The following TENM4 variants were observed in gnomAD, a reference collection of about 807,000 sequenced individuals.
The protein encoded by TENM4 is teneurin-4.
In TENM4, 82 loss-of-function variants were observed where a neutral mutation model predicts 243.3. The ratio of observed to expected loss-of-function variants is 0.34; its 90% CI spans 0.28 to 0.40. TENM4 has a LOEUF of 0.40. Ranked by LOEUF, TENM4 falls within the 10% of genes least tolerant of loss-of-function variation. The probability of loss-of-function intolerance (pLI) is 1.00; values close to 1 mark genes in which losing one functional copy is unlikely to be tolerated. For synonymous variants in TENM4, 1,412 were observed against 1,456.3 expected, an observed-to-expected ratio of 0.97 and a Z score of 0.69; for missense variants, 3,138 against 3,673.3, an observed-to-expected ratio of 0.85 and a Z score of 3.77.
chr11:79,047,464 A>AG (rs1191204007), intron 6 of TENM4, among the ~76,000 whole-genome samples: 4 of 152,206 alleles, frequency 2.6e-5, no homozygotes, highest in Non-Finnish European at 2.9e-5. Context: ...GGGGATGCTC[A>AG]CTTTGCTGGT....
chr11:79,263,447 C>T (rs1302046382), intron 2 of TENM4, among the ~76,000 whole-genome samples: 2 of 152,210 alleles, frequency 1.3e-5, no homozygotes, highest in Non-Finnish European at 2.9e-5. Flanking sequence ...AAATGAGTTT[C>T]TTTATTTCCC....
chr11:78,920,261 G>A (rs1856420660), intron 6 of TENM4, among the ~76,000 whole-genome samples: 1 of 152,128 alleles, frequency 6.6e-6, no homozygotes, highest in Non-Finnish European at 1.5e-5. Context: ...CATTGAATCA[G>A]GCACAGAGGG....
intron 1 of TENM4, among the ~76,000 whole-genome samples, chr11:79,366,829 G>T (rs570557326): frequency 1.3e-5 from 2 of 152,250 alleles, no homozygotes; most frequent in African/African-American, 4.8e-5. Flanking sequence ...AACAGTGGAT[G>T]GATCAATGAA....
At chr11:79,414,220 C>A (rs1182919802) in intron 1 of TENM4, among the ~76,000 whole-genome samples, 1 of 152,020 alleles carries the variant, frequency 6.6e-6, no homozygotes, top group African/African-American at 2.4e-5. Context: ...TGGAAAAGCA[C>A]TTCCTTCAAA....
intron 32 of TENM4, among the ~76,000 whole-genome samples, chr11:78,663,108 G>C (rs1229741679): frequency 2.0e-5 from 3 of 152,158 alleles, no homozygotes; most frequent in Non-Finnish European, 4.4e-5. Flanking sequence ...GGTGAACTGG[G>C]GCCAGAGGGA....
intron 18 of TENM4, among the ~76,000 whole-genome samples, chr11:78,766,904 A>G (rs1466052464): frequency 1.3e-5 from 2 of 152,058 alleles, no homozygotes; most frequent in African/African-American, 4.8e-5. Context: ...GGGTTTCGCC[A>G]TGTTGGCCAG....
intron 3 of TENM4, among the ~76,000 whole-genome samples, chr11:79,208,269 G>T (rs1336990540): frequency 6.6e-6 from 1 of 152,184 alleles, no homozygotes; most frequent in East Asian, 1.9e-4. Context: ...TATGAGTAAG[G>T]CCTTTGCCTA....
intron 24 of TENM4, among the ~76,000 whole-genome samples, chr11:78,722,189 A>AT (rs1855400591): frequency 6.6e-6 from 1 of 152,200 alleles, no homozygotes; most frequent in East Asian, 1.9e-4. Flanking sequence ...TTTTTAAATT[A>AT]TTTTTTTGCA....
At chr11:79,281,954 T>A (rs1162650378) in intron 2 of TENM4, among the ~76,000 whole-genome samples, 1 of 152,216 alleles carries the variant, frequency 6.6e-6, no homozygotes, top group Non-Finnish European at 1.5e-5. Flanking sequence ...CTGCTGGTTC[T>A]GCTTGGGCCT....
At chr11:79,116,502 G>A (rs893770887) in intron 4 of TENM4, among the ~76,000 whole-genome samples, 1 of 29,356 alleles carries the variant, frequency 3.4e-5, no homozygotes, top group East Asian at 3.0e-4. Flanking sequence ...TACCCGTGAC[G>A]GTGCTGTGAA....
intron 2 of TENM4, among the ~76,000 whole-genome samples, chr11:79,270,355 C>G (rs1433597889): frequency 1.3e-5 from 2 of 152,142 alleles, no homozygotes; most frequent in Non-Finnish European, 2.9e-5. Context: ...GCCTCTAGTC[C>G]CACAACCTAA....
intron 25 of TENM4, among the ~76,000 whole-genome samples, 199 bp from the exon 26 acceptor site, chr11:78,712,913 G>A (rs1419048716): frequency 6.7e-6 from 1 of 150,104 alleles, no homozygotes; most frequent in African/African-American, 2.5e-5. Context: ...CACTATTCTT[G>A]CAAAAACCCC....
At chr11:78,708,813 C>G (rs1300937166) in intron 26 of TENM4, among the ~76,000 whole-genome samples, 2 of 152,124 alleles carry the variant, frequency 1.3e-5, no homozygotes, top group African/African-American at 4.8e-5. Flanking sequence ...TTCATAACTT[C>G]TGGGGGTTTT....
chr11:78,845,387 T>C (rs932711855), intron 12 of TENM4, among the ~76,000 whole-genome samples: 1 of 152,214 alleles, frequency 6.6e-6, no homozygotes, highest in African/African-American at 2.4e-5. Flanking sequence ...AGGGTAAGAC[T>C]TATCCAAAAT....
chr11:79,330,077 G>A (rs1857037599), intron 1 of TENM4, among the ~76,000 whole-genome samples: 1 of 152,184 alleles, frequency 6.6e-6, no homozygotes, highest in Admixed American at 6.5e-5. Context: ...TGGCTCTCTA[G>A]GGGAAAAGCC....
chr11:79,162,726 G>A (rs540204067), intron 3 of TENM4, among the ~76,000 whole-genome samples: 160 of 152,258 alleles, frequency 1.1e-3, no homozygotes, highest in Non-Finnish European at 1.8e-3. Flanking sequence ...TCTAGTTGTT[G>A]GGTTTGCGGG....
chr11:78,756,429 T>G (rs1856306960), intron 19 of TENM4: 1 of 236,144 alleles, frequency 4.2e-6, no homozygotes, highest in African/African-American at 2.3e-5. Context: ...AGCAAAGTCT[T>G]CTGGATGTCT....
Position 78,863,031 on chromosome 11 carries a change from C to A in TENM4, c.1186G>T (p.Val396Phe). The A allele has an allele frequency of 6.5e-7, 1 of 1,535,808 alleles. No individual in the cohort carries two copies. Among genetic ancestry groups the A allele is most frequent in the Non-Finnish European group, 8.8e-7 (1 of 1,134,786 alleles). The change falls in exon 10 of 34, where the codon GTC becomes TTC. Residue 396 changes from valine (V) to phenylalanine (F), a missense_variant. Val to Phe is a conservative substitution (Grantham distance 50, BLOSUM62 -1). Transcript: ENST00000278550. ...GTGCCCCCTGAGGGGTATAGGGAGA[C>A]GTCGGTTGGCACAGGCCAACTGCTG... ...TASSWPVPTDVSLYPSGGTGL... is the reference protein window; with the variant it reads ...TASSWPVPTDFSLYPSGGTGL...
In TENM4 at chr11:78,658,199, C is replaced by T. The variant is rs1590916458; in HGVS notation, c.8169G>A (p.Gly2723=). 1 of 1,614,056 alleles carries T rather than the reference C, an allele frequency of 6.2e-7. No individual in the cohort carries two copies. Residue 2723 remains glycine, a synonymous_variant, in exon 34 of 34, where the codon GGG becomes GGA. Coordinates refer to ENST00000278550, the MANE Select transcript of TENM4 (RefSeq NM_001098816.3). Reference sequence around the variant, plus strand: ...CTGTGCTCAGCACCTGCTGCTTCTCCCCCTCTGTCCAGGCCCGCAGGCCTT... The same window carrying T: ...CTGTGCTCAGCACCTGCTGCTTCTCTCCCTCTGTCCAGGCCCGCAGGCCTT... ...GEEGLRAWTE[G]EKQQVLSTGR... is the part of the protein sequence containing the mutation.
Sources: allele counts gnomAD v4.1 joint callset (sites outside exome capture counted in the v4.1 genomes callset), GRCh38; gene constraint gnomAD v4.1.1; transcripts MANE v1.5; gene names NCBI Gene and HGNC (gene_info 2026-07-23, HGNC 2026-07-21).